Variants in MDGA2 observed in about 807,000 individuals in gnomAD.
The protein encoded by MDGA2 is MAM domain-containing glycosylphosphatidylinositol anchor protein 2.
A neutral mutation model predicts 117.8 loss-of-function variants in MDGA2; 40 were observed. That is an observed-to-expected ratio of 0.34 (90% confidence interval 0.26 to 0.44). The LOEUF (loss-of-function observed/expected upper bound fraction) is 0.44, where lower values mean the gene tolerates loss of function less well. Among genes scored for constraint, MDGA2 ranks in the 20% least tolerant of loss-of-function variants. MDGA2 has a pLI of 1.00. For synonymous variants in MDGA2, 452 were observed against 439.0 expected (o/e 1.03, Z -0.37); for missense variants, 1,123 against 1,250.6 (o/e 0.90, Z 1.54).
intron 1 of MDGA2, among the ~76,000 whole-genome samples, chr14:47,561,984 T>A (rs1459563690): frequency 2.0e-5 from 3 of 152,246 alleles, no homozygotes; most frequent in African/African-American, 7.2e-5. Context: ...ATTAAGATGA[T>A]CATGTGATTT....
At chr14:47,524,897 T>A (rs1426403100) in intron 1 of MDGA2, among the ~76,000 whole-genome samples, 1 of 152,176 alleles carries the variant, frequency 6.6e-6, no homozygotes, top group Non-Finnish European at 1.5e-5. Flanking sequence ...CAACCATCAG[T>A]CACTAGAATG....
chr14:47,195,289 A>G (rs1033135949), intron 3 of MDGA2, among the ~76,000 whole-genome samples: 1 of 152,078 alleles, frequency 6.6e-6, no homozygotes, highest in African/African-American at 2.4e-5. Flanking sequence ...CTCTTTCAAC[A>G]AAATTATTAA....
intron 1 of MDGA2, among the ~76,000 whole-genome samples, chr14:47,478,488 A>G (rs561378472): frequency 5.9e-5 from 9 of 152,144 alleles, no homozygotes; most frequent in Admixed American, 5.2e-4. Context: ...TGATCCTCCC[A>G]CCTCAGCCTC....
chr14:47,395,041 G>A (rs1185397625), intron 1 of MDGA2, among the ~76,000 whole-genome samples: 1 of 152,090 alleles, frequency 6.6e-6, no homozygotes, highest in African/African-American at 2.4e-5. Flanking sequence ...TATGGTCCCA[G>A]TTACTCAGGA....
intron 1 of MDGA2, among the ~76,000 whole-genome samples, chr14:47,648,349 C>A (rs1897574979): frequency 6.6e-6 from 1 of 152,036 alleles, no homozygotes. Flanking sequence ...ATAGTATATT[C>A]TCAGTAAATG....
chr14:46,895,721 T>C (rs1415458165), intron 10 of MDGA2, among the ~76,000 whole-genome samples: 1 of 151,406 alleles, frequency 6.6e-6, no homozygotes, highest in East Asian at 1.9e-4. Context: ...AGCAAGACCC[T>C]GTCTCAAAAA....
At chr14:46,981,170 A>AG (rs1478231388) in intron 8 of MDGA2, among the ~76,000 whole-genome samples, 2 of 67,438 alleles carry the variant, frequency 3.0e-5, no homozygotes, top group Non-Finnish European at 6.5e-5. Flanking sequence ...TTGGGAGGCC[A>AG]AGGGGGGGGC....
intron 1 of MDGA2, among the ~76,000 whole-genome samples, chr14:47,549,413 A>G (rs1006193918): frequency 4.2e-5 from 6 of 143,708 alleles, no homozygotes; most frequent in Non-Finnish European, 7.6e-5. Flanking sequence ...CCACCATTCC[A>G]GTGTGGTTCT....
At chr14:47,561,163 G>GGTTTTTT (rs1555332269) in intron 1 of MDGA2, among the ~76,000 whole-genome samples, 1 of 83,878 alleles carries the variant, frequency 1.2e-5, no homozygotes. Context: ...GTTTTGTTTT[G>GGTTTTTT]TTTTTTTGTT....
intron 8 of MDGA2, among the ~76,000 whole-genome samples, chr14:47,030,125 C>A (rs1888610389): frequency 6.6e-6 from 1 of 152,122 alleles, no homozygotes; most frequent in Non-Finnish European, 1.5e-5. Flanking sequence ...CCCCCGCCCA[C>A]ATATCCTGGT....
chr14:46,944,198 A>G (rs1360915910), intron 9 of MDGA2, among the ~76,000 whole-genome samples: 1 of 151,868 alleles, frequency 6.6e-6, no homozygotes, highest in Non-Finnish European at 1.5e-5. Context: ...CAGAATATAT[A>G]TATTTATTTG....
intron 1 of MDGA2, among the ~76,000 whole-genome samples, chr14:47,517,357 G>C (rs752652630): frequency 1.1e-4 from 17 of 152,216 alleles, no homozygotes; most frequent in South Asian, 2.1e-4. Flanking sequence ...AGAGATATTA[G>C]CATGCCATCA....
intron 7 of MDGA2, among the ~76,000 whole-genome samples, chr14:47,046,180 A>T (rs1239777965): frequency 6.6e-6 from 1 of 151,632 alleles, no homozygotes; most frequent in Non-Finnish European, 1.5e-5. Context: ...TAAATAAAAG[A>T]AAGGGGGTAT....
At chr14:47,338,585 T>C (rs999972855) in intron 1 of MDGA2, among the ~76,000 whole-genome samples, 4 of 152,078 alleles carry the variant, frequency 2.6e-5, no homozygotes, top group Non-Finnish European at 1.5e-5. Context: ...AGAAAATAGT[T>C]GTTCAAGTAG....
At chr14:47,434,795 T>C (rs1226834585) in intron 1 of MDGA2, among the ~76,000 whole-genome samples, 1 of 152,134 alleles carries the variant, frequency 6.6e-6, no homozygotes. Context: ...ATTTGGTTAA[T>C]CTGAACCCCA....
intron 1 of MDGA2, among the ~76,000 whole-genome samples, chr14:47,659,564 A>G (rs1291215023): frequency 6.6e-6 from 1 of 152,206 alleles, no homozygotes; most frequent in Non-Finnish European, 1.5e-5. Flanking sequence ...TTTCATGGAT[A>G]TTATTTAATT....
intron 8 of MDGA2, among the ~76,000 whole-genome samples, chr14:46,966,206 A>G (rs1886025165): frequency 6.6e-6 from 1 of 152,204 alleles, no homozygotes; most frequent in Non-Finnish European, 1.5e-5. Context: ...AGAAAAAGAA[A>G]AGACGAACAG....
At chr14:47,114,515 C>G (rs1373110763) in intron 5 of MDGA2, among the ~76,000 whole-genome samples, 1 of 152,094 alleles carries the variant, frequency 6.6e-6, no homozygotes, top group Admixed American at 6.6e-5. Context: ...CTACCAACTT[C>G]AAACTATACT....
rs1194887907 is a variant in MDGA2 at position 47,533,297 on chromosome 14, T to C, written c.280+141220A>G. Among the ~76,000 whole-genome samples the C allele has an allele frequency of 3.3e-5, 5 of 152,336 alleles. No individual in the cohort carries two copies. In the South Asian group the frequency reaches 6.2e-4, roughly 19 times the overall value. On this transcript the variant is annotated intron_variant, in intron 1 of 16. Coordinates refer to ENST00000399232, the MANE Select transcript of MDGA2 (RefSeq NM_001113498.3). ...CATGCGCCAATTAGATTACAAACTCTGAGCACAGATCATGTTGCATACATT... is the reference window on the plus strand; with the variant it reads ...CATGCGCCAATTAGATTACAAACTCCGAGCACAGATCATGTTGCATACATT...
Sources: allele counts gnomAD v4.1 joint callset (sites outside exome capture counted in the v4.1 genomes callset), GRCh38; gene constraint gnomAD v4.1.1; transcripts MANE v1.5; gene names NCBI Gene and HGNC (gene_info 2026-07-23, HGNC 2026-07-21).